PLEKHG3: variants seen among roughly 807,000 people sequenced by gnomAD.
PLEKHG3 encodes the protein pleckstrin homology and RhoGEF domain containing G3, also known as pleckstrin homology domain-containing family G member 3.
A neutral mutation model predicts 94.9 loss-of-function variants in PLEKHG3; 62 were observed. That is an observed-to-expected ratio of 0.65 (90% CI 0.53 to 0.81). The LOEUF (loss-of-function observed/expected upper bound fraction) is 0.81. Ranked by LOEUF, PLEKHG3 falls within the 30% of genes least tolerant of loss-of-function variation. PLEKHG3 has a pLI of 0.00. For synonymous variants in PLEKHG3, 614 were observed against 654.0 expected (o/e 0.94, Z 0.93); for missense variants, 1,461 against 1,619.3 (o/e 0.90, Z 1.68).
At position 64,749,860 on chromosome 14, in the gene PLEKHG3, T is replaced by C; in HGVS notation, c.*6157T>C. 1 of 1,520,068 alleles carries C rather than the reference T, an allele frequency of 6.6e-7. No homozygotes were observed. The highest frequency in any genetic ancestry group is 1.1e-5 in the South Asian group (1 of 87,740). 94.2% of individuals were successfully genotyped at this position (1,520,068 alleles called of 1,614,324 possible). On this transcript the variant is annotated 3_prime_UTR_variant, in exon 17 of 17. Transcript: ENST00000247226. The surrounding 1 kb of genome is among the most constrained non-coding windows in gnomAD (Gnocchi z 4.7). ...AGTCTGGACCATCAGCCTCTTTGAT[T>C]TGAAAAACCCCTGAGGAGCAGCTCA...
In PLEKHG3 at chr14:64,720,140, T is replaced by G. The variant is rs542569097; in HGVS notation, c.-39-7453T>G. Among the ~76,000 whole-genome samples the G allele has an allele frequency of 1.3e-5, 2 of 152,378 alleles. No individual in the cohort carries two copies. The highest frequency in any genetic ancestry group is 1.3e-4 in the Admixed American group (2 of 15,312). On this transcript the variant is annotated intron_variant, in intron 1 of 16. Coordinates refer to ENST00000247226, the MANE Select transcript of PLEKHG3 (RefSeq NM_001308147.2). This position sits in a 1 kb window ranked among gnomAD's most constrained non-coding sequence, Gnocchi z 4.1. ...CATGAAACTTCCTGGCAGATTGCTT[T>G]TCCTGGGACATTTGCAGGGAGACCA...
chr14:64,719,699 C>T (rs974876468), intron 1 of PLEKHG3, among the ~76,000 whole-genome samples: 1 of 152,122 alleles, frequency 6.6e-6, no homozygotes, highest in African/African-American at 2.4e-5. Flanking sequence ...CACCGAGATT[C>T]TCCAGTGCCT....
At chr14:64,734,221 A>G (rs946260284) in intron 12 of PLEKHG3, among the ~76,000 whole-genome samples, 3 of 152,134 alleles carry the variant, frequency 2.0e-5, no homozygotes, top group Non-Finnish European at 4.4e-5. Flanking sequence ...TATGGTTTTT[A>G]TAGTTAAAAG....
chr14:64,710,408 G>A (rs981261713), intron 1 of PLEKHG3, among the ~76,000 whole-genome samples: 3 of 152,192 alleles, frequency 2.0e-5, no homozygotes, highest in Admixed American at 2.0e-4. Flanking sequence ...AGTGGCTCAT[G>A]CCTGTAATCT....
Position 64,743,676 on chromosome 14 carries a change from G to T in PLEKHG3, c.3633G>T (p.Lys1211Asn). The change falls in exon 17 of 17, where the codon AAG (lysine) becomes AAT (asparagine). Residue 1211 changes from lysine to asparagine, a missense_variant. Coordinates refer to ENST00000247226, the MANE Select transcript of PLEKHG3 (RefSeq NM_001308147.2). The surrounding 1 kb of genome is among the most constrained non-coding windows in gnomAD (Gnocchi z 7.2). ...QQGRVRNLREKFQALNSVG is the reference protein window; with the variant it reads ...QQGRVRNLRENFQALNSVG ...GCAGAGTGAGAAACCTTAGAGAGAA[G>T]TTCCAGGCCTTGAACTCTGTCGGTT... The T allele has an allele frequency of 6.3e-7, 1 of 1,582,736 alleles. No individual in the cohort carries two copies. The highest frequency in any genetic ancestry group is 8.6e-7 in the Non-Finnish European group (1 of 1,165,402).
At chr14:64,742,508 C>A in intron 16 of PLEKHG3, 53 bp downstream of exon 16, 3 of 1,337,554 alleles carry the variant, frequency 2.2e-6, no homozygotes, top group South Asian at 1.4e-5. Flanking sequence ...ACTGAAGAGT[C>A]AATAAGGAGC....
chr14:64,741,897 C>T lies in PLEKHG3; in HGVS notation c.2380C>T (p.Gln794Ter), dbSNP rs1425928535. The change falls in exon 16 of 17, where the codon CAG becomes TAG. Residue 794 changes from glutamine (Q) to a stop codon, truncating the protein, a stop_gained. Coordinates refer to ENST00000247226, the MANE Select transcript of PLEKHG3 (RefSeq NM_001308147.2). LOFTEE classifies it high-confidence loss of function. Reference protein sequence around the residue: ...WALFELPGPSQAVKGDPPPIS... With the variant: ...WALFELPGPS Reference sequence around the variant, plus strand: ...CCTGTTTGAGCTCCCAGGACCAAGCCAGGCAGTCAAAGGGGACCCACCTCC... The same window carrying T: ...CCTGTTTGAGCTCCCAGGACCAAGCTAGGCAGTCAAAGGGGACCCACCTCC... 1 of 1,604,988 alleles carries T rather than the reference C, an allele frequency of 6.2e-7. No individual in the cohort carries two copies. Among genetic ancestry groups the T allele is most frequent in the Non-Finnish European group, 8.5e-7 (1 of 1,176,194 alleles).
rs1310014993 is a variant in PLEKHG3 at position 64,716,867 on chromosome 14, C to G, written c.-39-10726C>G. Among the ~76,000 whole-genome samples, 1 of 152,174 alleles carries G rather than the reference C, an allele frequency of 6.6e-6. No individual in the cohort carries two copies. The highest frequency in any genetic ancestry group is 1.5e-5 in the Non-Finnish European group (1 of 68,044). On this transcript the variant is annotated intron_variant, in intron 1 of 16. Coordinates refer to ENST00000247226, the MANE Select transcript of PLEKHG3 (RefSeq NM_001308147.2). This position sits in a 1 kb window ranked among gnomAD's most constrained non-coding sequence, Gnocchi z 5.0. The stretch of plus-strand genomic sequence containing the variant: ...AGAATTGGGATTGGGTAATACTGCC[C>G]CACCGGTCTGAATTCTGGTCCATGT...
Position 64,717,715 on chromosome 14 carries a change from G to C in PLEKHG3, c.-39-9878G>C, listed in dbSNP as rs988213059. ...CATTCTTTCTAGCTAATGTTCCCTC[G>C]ATCTCTCGCTCCTCCTCGAAGCTGT... On this transcript the variant is annotated intron_variant, in intron 1 of 16. Coordinates refer to ENST00000247226, the MANE Select transcript of PLEKHG3 (RefSeq NM_001308147.2). The surrounding 1 kb of genome is among the most constrained non-coding windows in gnomAD (Gnocchi z 4.7). Among the ~76,000 whole-genome samples the C allele has an allele frequency of 6.6e-6, 1 of 152,144 alleles. No homozygotes were observed. Among genetic ancestry groups the C allele is most frequent in the African/African-American group, 2.4e-5 (1 of 41,410 alleles).
intron 1 of PLEKHG3, among the ~76,000 whole-genome samples, chr14:64,712,340 A>G (rs2081076207): frequency 6.6e-6 from 1 of 152,050 alleles, no homozygotes; most frequent in Non-Finnish European, 1.5e-5. Context: ...TTTTAGGATC[A>G]GCTTGTCAAT....
chr14:64,713,633 C>T (rs1194006207), intron 1 of PLEKHG3, among the ~76,000 whole-genome samples: 1 of 152,136 alleles, frequency 6.6e-6, no homozygotes, highest in Non-Finnish European at 1.5e-5. Context: ...ATACTATATA[C>T]AGTATGTCTG....
intron 12 of PLEKHG3, among the ~76,000 whole-genome samples, chr14:64,734,714 C>T (rs2081537217): frequency 6.8e-6 from 1 of 146,712 alleles, no homozygotes; most frequent in Non-Finnish European, 1.5e-5. Flanking sequence ...CCCTCCCTCC[C>T]TTCCTTCCTT....
In PLEKHG3 at chr14:64,729,062, G is replaced by T. The variant is rs1187078824; in HGVS notation, c.418G>T (p.Gly140Trp). 6.6e-7 allele frequency: 1 copy of T among 1,524,050 alleles called. No individual in the cohort carries two copies. The highest frequency in any genetic ancestry group is 1.4e-5 in the African/African-American group (1 of 72,756). 94.4% of individuals were successfully genotyped at this position (1,524,050 alleles called of 1,614,324 possible). The change falls in exon 3 of 17, where the codon GGG becomes TGG. Residue 140 changes from glycine (G) to tryptophan (W), a missense_variant. Physicochemically the swap from Gly to Trp is radical, Grantham distance 184. Coordinates refer to ENST00000247226, the MANE Select transcript of PLEKHG3 (RefSeq NM_001308147.2). ...LKPEQVSALF[G>W]NIENIYALNS... ...GCCAGAACAGGTCAGCGCCCTCTTT[G>T]GGAACATAGAAAATATCTACGCGCT...
Position 64,742,976 on chromosome 14 carries a change from T to C in PLEKHG3, c.2939-6T>C. 1 of 1,613,280 alleles carries C rather than the reference T, an allele frequency of 6.2e-7. No homozygotes were observed. The highest frequency in any genetic ancestry group is 1.1e-5 in the South Asian group (1 of 91,078). ...ATGCTTCAGGCAGCTTGCTCTCTCC[T>C]CATAGGTAAGAGGAAGCCGGTGCTG... On this transcript the variant is annotated splice_region_variant and splice_polypyrimidine_tract_variant and intron_variant, in intron 16 of 16. Transcript: ENST00000247226.
Position 64,715,986 on chromosome 14 carries a change from C to T in PLEKHG3, c.-40+11282C>T, listed in dbSNP as rs2139365005. On this transcript the variant is annotated intron_variant, in intron 1 of 16. Transcript: ENST00000247226. The surrounding 1 kb of genome is among the most constrained non-coding windows in gnomAD (Gnocchi z 4.4). ...AGGCTGTTGGTGGCAGCTCGCTGCTCACCCCAAGCCTGTTAACTGCTAGGT... is the reference window on the plus strand; with the variant it reads ...AGGCTGTTGGTGGCAGCTCGCTGCTTACCCCAAGCCTGTTAACTGCTAGGT... 2.2e-6 allele frequency: 1 copy of T among 452,912 alleles called. No individual in the cohort carries two copies. Among genetic ancestry groups the T allele is most frequent in the South Asian group, 1.6e-5 (1 of 64,152 alleles). 28.1% of individuals were successfully genotyped at this position (452,912 alleles called of 1,614,324 possible).
chr14:64,732,835 C>T lies in PLEKHG3; in HGVS notation c.1279C>T (p.Leu427=). The T allele has an allele frequency of 6.2e-7, 1 of 1,610,652 alleles. No individual in the cohort carries two copies. The highest frequency in any genetic ancestry group is 8.5e-7 in the Non-Finnish European group (1 of 1,178,896). The change falls in exon 12 of 17, where the codon CTG becomes TTG. Residue 427 remains leucine, a synonymous_variant. Transcript: ENST00000247226. The surrounding 1 kb of genome is among the most constrained non-coding windows in gnomAD (Gnocchi z 4.9). ...TCGGTACCGCTGCAGCCCAGAGCGG[C>T]TGAAGAAGGCTTGGTCCTCCCAGGA... is the stretch of plus-strand genomic sequence containing the variant. ...PNRYRCSPER[L]KKAWSSQDEV... is the part of the protein sequence containing the mutation.
Position 64,731,987 on chromosome 14 carries a change from C to A in PLEKHG3, c.1126-108C>A. On this transcript the variant is annotated intron_variant, in intron 9 of 16. Coordinates refer to ENST00000247226, the MANE Select transcript of PLEKHG3 (RefSeq NM_001308147.2). This position sits in a 1 kb window ranked among gnomAD's most constrained non-coding sequence, Gnocchi z 6.1. Reference sequence around the variant, plus strand: ...AGGAGTCAGGTTAACCTCACAGAGGCCCCAGCATGGCCCCACTTTTTCTCC... The same window carrying A: ...AGGAGTCAGGTTAACCTCACAGAGGACCCAGCATGGCCCCACTTTTTCTCC... 1 of 909,736 alleles carries A rather than the reference C, an allele frequency of 1.1e-6. No homozygotes were observed. The highest frequency in any genetic ancestry group is 1.8e-6 in the Non-Finnish European group (1 of 553,382). The allele number at this position is 909,736 out of a possible 1,614,324, so 56.4% of individuals were successfully genotyped here.
intron 1 of PLEKHG3, among the ~76,000 whole-genome samples, chr14:64,710,215 G>A (rs1304873558): frequency 6.6e-6 from 1 of 152,100 alleles, no homozygotes; most frequent in Admixed American, 6.5e-5. Context: ...ACTCTTATTT[G>A]GAACTCAGCC....
rs1184858100 is a variant in PLEKHG3 at position 64,741,675 on chromosome 14, A to T, written c.2158A>T (p.Ile720Phe). Reference sequence around the variant, plus strand: ...CCGAGACCGGCTGTTGCTAGACAAGATTAAGAGCTATTATGAAAATGCAGA... The same window carrying T: ...CCGAGACCGGCTGTTGCTAGACAAGTTTAAGAGCTATTATGAAAATGCAGA... ...STRDRLLLDK[I>F]KSYYENAEHH... Residue 720 changes from isoleucine (I) to phenylalanine (F), a missense_variant, in exon 16 of 17, where the codon ATT (isoleucine) becomes TTT (phenylalanine). Ile to Phe is a conservative substitution (Grantham distance 21, BLOSUM62 0). This residue lies in a region of PLEKHG3 where 1,201 missense variants were observed against 1,295.5 expected (regional missense o/e 0.93). Coordinates refer to ENST00000247226, the MANE Select transcript of PLEKHG3 (RefSeq NM_001308147.2). The T allele has an allele frequency of 6.2e-7, 1 of 1,612,894 alleles. No individual in the cohort carries two copies. The highest frequency in any genetic ancestry group is 8.5e-7 in the Non-Finnish European group (1 of 1,180,038).
Sources: allele counts gnomAD v4.1 joint callset (sites outside exome capture counted in the v4.1 genomes callset), GRCh38; gene constraint gnomAD v4.1.1; regional missense constraint gnomAD v4.1.1; non-coding constraint Gnocchi (gnomAD v3.1); transcripts MANE v1.5; gene names NCBI Gene and HGNC (gene_info 2026-07-23, HGNC 2026-07-21).